Variants in SCN11A observed in about 807,000 individuals in gnomAD.
SCN11A encodes sodium channel protein type 11 subunit alpha.
In SCN11A, 122 loss-of-function variants were observed where a neutral mutation model predicts 162.2. The ratio of observed to expected loss-of-function variants is 0.75; its 90% confidence interval spans 0.65 to 0.87. The LOEUF is 0.87. SCN11A is among the 40% of genes least tolerant of loss of function. The pLI is 0.00. For missense variants in SCN11A, 2,015 were observed against 2,181.6 expected (o/e 0.92, Z 1.52); for synonymous variants, 758 against 751.5 (o/e 1.01, Z -0.14).
At chr3:38,934,726 A>C (rs1575311670) in intron 7 of SCN11A, among the ~76,000 whole-genome samples, 1 of 151,946 alleles carries the variant, frequency 6.6e-6, no homozygotes, top group African/African-American at 2.4e-5. Flanking sequence ...AGATTCATAA[A>C]GCAAGTCCTG....
chr3:39,036,554 A>G (rs538398041), intron 1 of SCN11A, among the ~76,000 whole-genome samples: 2 of 152,332 alleles, frequency 1.3e-5, no homozygotes, highest in East Asian at 3.9e-4. Context: ...ATAATCAACA[A>G]AGTGAAGAGA....
chr3:38,895,015 G>C, intron 18 of SCN11A, 51 bp from the exon 19 acceptor site: 8 of 1,502,384 alleles, frequency 5.3e-6, no homozygotes, highest in Non-Finnish European at 7.1e-6. Context: ...CAAAGGAAAA[G>C]ATATAGTGGG....
chr3:38,921,310 C>A, intron 9 of SCN11A, 55 bp from the exon 10 acceptor site: 1 of 1,552,184 alleles, frequency 6.4e-7, no homozygotes, highest in Non-Finnish European at 8.8e-7. Flanking sequence ...CAGACACTCA[C>A]AAAGGCCAAG....
intron 11 of SCN11A, among the ~76,000 whole-genome samples, chr3:38,912,116 C>T (rs1418465279): frequency 6.6e-6 from 1 of 152,168 alleles, no homozygotes; most frequent in African/African-American, 2.4e-5. Flanking sequence ...TCTCACCAGA[C>T]CTGGAGGAAA....
At chr3:38,966,766 A>G (rs2066784943) in intron 2 of SCN11A, among the ~76,000 whole-genome samples, 2 of 152,224 alleles carry the variant, frequency 1.3e-5, no homozygotes, top group African/African-American at 4.8e-5. Flanking sequence ...TGCCCTCCAC[A>G]TCCTTCCCAG....
At chr3:38,946,358 T>C (rs935950634) in intron 6 of SCN11A, among the ~76,000 whole-genome samples, 1 of 152,222 alleles carries the variant, frequency 6.6e-6, no homozygotes, top group Non-Finnish European at 1.5e-5. Flanking sequence ...GGAGTATTCA[T>C]GTTAGAAAGT....
chr3:38,981,435 A>C (rs6779880), intron 2 of SCN11A, among the ~76,000 whole-genome samples: 66,030 of 151,916 alleles, frequency 0.43, 17,641 homozygotes, highest in African/African-American at 0.77. Context: ...GGAGAGAAGG[A>C]CTGAAAAAGC....
chr3:38,870,850 T>A, intron 25 of SCN11A, 106 bp from the exon 26 acceptor site: 1 of 863,440 alleles, frequency 1.2e-6, no homozygotes, highest in Non-Finnish European at 1.9e-6. Flanking sequence ...ATATATAAGA[T>A]GATACCCCAA....
At chr3:38,986,800 C>T (rs147047457) in intron 2 of SCN11A, among the ~76,000 whole-genome samples, 122 of 152,216 alleles carry the variant, frequency 8.0e-4, no homozygotes, top group Middle Eastern at 3.4e-3. Flanking sequence ...ATTAACCCTG[C>T]GATTTTTGCA....
chr3:39,034,625 G>A (rs1019019491), intron 1 of SCN11A, among the ~76,000 whole-genome samples: 1 of 152,098 alleles, frequency 6.6e-6, no homozygotes, highest in Non-Finnish European at 1.5e-5. Flanking sequence ...AACCCAGTAA[G>A]AGAAATAAAT....
intron 7 of SCN11A, among the ~76,000 whole-genome samples, chr3:38,934,233 A>G (rs13091335): frequency 0.11 from 16,573 of 152,304 alleles, 985 homozygotes; most frequent in Middle Eastern, 0.16. Context: ...AGCACTAAAC[A>G]TGGAAAAGAA....
At position 38,876,337 on chromosome 3, in the gene SCN11A, C is replaced by T. The variant is rs375236916; in HGVS notation, c.3393+3613G>A. Among the ~76,000 whole-genome samples, 112 of 152,142 alleles carry T rather than the reference C, an allele frequency of 7.4e-4. 1 individual carries two copies. The South Asian group carries it at 0.023, about 31-fold the overall frequency. ...ATGACCAAGAACCCAAAAGCAAATG[C>T]AACAAAAACAAAGATGAATAGATGG... is the stretch of plus-strand genomic sequence containing the variant. On this transcript the variant is annotated intron_variant, in intron 23 of 29. Coordinates refer to ENST00000302328, the MANE Select transcript of SCN11A (RefSeq NM_001349253.2).
intron 23 of SCN11A, among the ~76,000 whole-genome samples, chr3:38,875,438 GATTGTAT>G (rs2065192689): frequency 6.6e-6 from 1 of 151,994 alleles, no homozygotes; most frequent in Non-Finnish European, 1.5e-5. Context: ...TTGATGATAT[GATTGTAT>G]ACATAGAAAA....
intron 2 of SCN11A, among the ~76,000 whole-genome samples, chr3:38,986,373 G>A (rs2030244001): frequency 7.0e-6 from 1 of 141,938 alleles, no homozygotes; most frequent in Non-Finnish European, 1.5e-5. Flanking sequence ...CAAAGGGAAT[G>A]ATTCCAGACA....
chr3:39,001,487 T>G (rs984108886), intron 2 of SCN11A, among the ~76,000 whole-genome samples: 1 of 152,260 alleles, frequency 6.6e-6, no homozygotes, highest in Non-Finnish European at 1.5e-5. Context: ...TAATATTCTA[T>G]TGGATGTATA....
At chr3:39,013,049 C>T (rs2031190113) in intron 2 of SCN11A, among the ~76,000 whole-genome samples, 1 of 152,080 alleles carries the variant, frequency 6.6e-6, no homozygotes, top group Admixed American at 6.5e-5. Flanking sequence ...AAGATAAATG[C>T]TTGATGAGCT....
At chr3:38,996,669 C>G (rs1034854116) in intron 2 of SCN11A, among the ~76,000 whole-genome samples, 3 of 152,172 alleles carry the variant, frequency 2.0e-5, no homozygotes, top group Non-Finnish European at 4.4e-5. Context: ...ATTGACCCAC[C>G]TATTAGCATC....
chr3:38,867,483 G>C, intron 26 of SCN11A, 25 bp from the exon 27 acceptor site: 2 of 1,564,370 alleles, frequency 1.3e-6, no homozygotes, highest in Non-Finnish European at 1.7e-6. Flanking sequence ...TTTAATAAGA[G>C]AAAAAAACAA....
In SCN11A at chr3:38,847,309, G is replaced by A; in HGVS notation, c.4761C>T (p.Tyr1587=). ...PGIATSYFVS[Y]IIISFLIVVN... is the part of the protein sequence containing the mutation. Reference sequence around the variant, plus strand: ...CAACAATGAGAAAGGAGATGATAATGTAACTGACAAAGTAGGATGTGGCTA... The same window carrying A: ...CAACAATGAGAAAGGAGATGATAATATAACTGACAAAGTAGGATGTGGCTA... The change falls in exon 30 of 30, where the codon TAC becomes TAT. Residue 1587 remains tyrosine, a synonymous_variant. Transcript: ENST00000302328. 6.2e-7 allele frequency: 1 copy of A among 1,614,170 alleles called. No individual in the cohort carries two copies. The highest frequency in any genetic ancestry group is 8.5e-7 in the Non-Finnish European group (1 of 1,180,004).
Sources: gnomAD v4.1 joint callset for allele counts (sites outside exome capture counted in the v4.1 genomes callset) on GRCh38, gnomAD v4.1.1 for gene constraint, MANE v1.5 for transcripts, NCBI Gene and HGNC (gene_info 2026-07-23, HGNC 2026-07-21) for gene names.